CALCOCO2: variants seen among roughly 807,000 people sequenced by gnomAD.
CALCOCO2 encodes the protein calcium-binding and coiled-coil domain-containing protein 2.
Under a neutral mutation model 62.5 loss-of-function variants are expected in CALCOCO2, and 42 were observed. The observed-to-expected ratio is 0.67, with a 90% CI of 0.53 to 0.87. The LOEUF is 0.87. Ranked by LOEUF, CALCOCO2 falls within the 40% of genes least tolerant of loss-of-function variation. The pLI, the probability that CALCOCO2 is intolerant of heterozygous loss-of-function variation, is 0.00. For missense variants in CALCOCO2, 456 were observed against 515.0 expected (o/e 0.89, Z 1.11); for synonymous variants, 167 against 173.0 (o/e 0.97, Z 0.27).
chr17:48,834,153 G>C (rs1191285342), intron 1 of CALCOCO2, among the ~76,000 whole-genome samples: 2 of 149,440 alleles, frequency 1.3e-5, no homozygotes, highest in Non-Finnish European at 3.0e-5. Context: ...AGTAGAACAG[G>C]CTGCTGTTCC....
At chr17:48,843,827 G>C (rs569794060) in intron 2 of CALCOCO2, 1 of 152,240 alleles carries the variant, frequency 6.6e-6, no homozygotes. Context: ...CTAGCCACAT[G>C]TGGCTGTTAA....
chr17:48,861,659 GTGTA>G (rs1449605894), intron 11 of CALCOCO2, among the ~76,000 whole-genome samples: 2 of 135,224 alleles, frequency 1.5e-5, no homozygotes, highest in African/African-American at 3.1e-5. Context: ...ATATGTGTGT[GTGTA>G]TATATATATA....
intron 5 of CALCOCO2, among the ~76,000 whole-genome samples, chr17:48,850,003 C>T (rs913999589): frequency 6.6e-6 from 1 of 150,888 alleles, no homozygotes; most frequent in African/African-American, 2.4e-5. Flanking sequence ...ACTAAAAATA[C>T]AAAAATTAGC....
intron 10 of CALCOCO2, among the ~76,000 whole-genome samples, chr17:48,859,593 C>G (rs1157676124): frequency 2.6e-5 from 4 of 151,578 alleles, no homozygotes; most frequent in Non-Finnish European, 5.9e-5. Flanking sequence ...CAAGCAAGAC[C>G]CTGTCTCTAA....
At chr17:48,847,153 C>A (rs1040988274) in intron 2 of CALCOCO2, among the ~76,000 whole-genome samples, 1 of 152,026 alleles carries the variant, frequency 6.6e-6, no homozygotes, top group Non-Finnish European at 1.5e-5. Flanking sequence ...ATTATATAGA[C>A]CTGGAATCTC....
At chr17:48,851,742 CAA>C (rs1351332073) in intron 7 of CALCOCO2, 114 bp downstream of exon 7, 5 of 703,850 alleles carry the variant, frequency 7.1e-6, no homozygotes, top group Non-Finnish European at 1.3e-5. Context: ...GCATACTTTT[CAA>C]AGTATCACAC....
At position 48,849,263 on chromosome 17, in the gene CALCOCO2, A is replaced by G. The variant is rs1400920566; in HGVS notation, c.429A>G (p.Glu143=). 1.1e-5 allele frequency: 17 copies of G among 1,613,682 alleles called. No individual in the cohort carries two copies. The highest frequency in any genetic ancestry group is 1.4e-5 in the Non-Finnish European group (17 of 1,179,714). ...ATGTTCTTTTGTAGGGAGAGGTGGA[A>G]GAGATTGAGCAGCACAACAAGGAGC... ...ILVVTTQGEV[E]EIEQHNKELC... The change falls in exon 5 of 13, where the codon GAA becomes GAG. Residue 143 remains glutamate (E), a synonymous_variant. Coordinates refer to ENST00000258947, the MANE Select transcript of CALCOCO2 (RefSeq NM_005831.5).
intron 5 of CALCOCO2, 145 bp from the exon 6 acceptor site, chr17:48,850,944 C>CT: frequency 1.9e-6 from 1 of 534,528 alleles, no homozygotes; most frequent in East Asian, 3.2e-5. Context: ...GAACATTTTC[C>CT]TTTTATTTGA....
chr17:48,860,495 CCTTTCCCCTA>C (rs1567760819), intron 11 of CALCOCO2, 46 bp downstream of exon 11: 1 of 1,581,578 alleles, frequency 6.3e-7, no homozygotes, highest in South Asian at 1.1e-5. Context: ...TGCCTGCATC[CCTTTCCCCTA>C]CTAAATTTTT....
At chr17:48,854,394 A>ATT in intron 9 of CALCOCO2, among the ~76,000 whole-genome samples, 1 of 2,828 alleles carries the variant, frequency 3.5e-4, no homozygotes, top group Non-Finnish European at 1.8e-3. Flanking sequence ...ATATATATAT[A>ATT]TATTTTTTTT....
chr17:48,852,681 TTGTTCTTTGTATAAAGAACATTTTAA>T (rs1173631029), intron 8 of CALCOCO2, 53 bp downstream of exon 8: 2 of 1,539,160 alleles, frequency 1.3e-6, no homozygotes, highest in Non-Finnish European at 1.8e-6. Context: ...AAAATATACG[TTGTTCTTTGTATAAAGAACATTTTAA>T]TGTTCTTTAA....
chr17:48,859,154 G>A (rs1264229339), intron 10 of CALCOCO2, among the ~76,000 whole-genome samples: 1 of 149,392 alleles, frequency 6.7e-6, no homozygotes, highest in East Asian at 1.9e-4. Flanking sequence ...TGCTGTCTGT[G>A]CCACTTTTAG....
intron 9 of CALCOCO2, 61 bp from the exon 10 acceptor site, chr17:48,856,031 C>G (rs1350051044): frequency 1.3e-6 from 1 of 787,286 alleles, no homozygotes; most frequent in African/African-American, 1.7e-5. Context: ...TCTACAATTT[C>G]TCACCTTGTA....
In CALCOCO2 at chr17:48,859,823, A is replaced by G. The variant is rs1387873471; in HGVS notation, c.1009-491A>G. On this transcript the variant is annotated intron_variant, in intron 10 of 12. Transcript: ENST00000258947. ...TTAAATTCAGGTATAGGCTGGGCAC[A>G]GTGGCTCACACCTGTAATCTCGACA... 1.1e-4 allele frequency among the ~76,000 whole-genome samples: 17 copies of G among 152,310 alleles called. 1 individual carries two copies. In the South Asian group the frequency reaches 3.5e-3, roughly 32 times the overall value.
rs1245998005 is a variant in CALCOCO2, at chr17:48,853,005, A to G, written c.905A>G (p.Glu302Gly). 2 of 1,607,650 alleles carry G rather than the reference A, an allele frequency of 1.2e-6. No homozygotes were observed. Among genetic ancestry groups the G allele is most frequent in the Non-Finnish European group, 1.7e-6 (2 of 1,174,094 alleles). ...ACTACTGCAATGAAGAAACAACAGG[A>G]ATTAATGGCATGTCTGTCTTTGGAT... ...NETTAMKKQQ[E>G]LMDENFDLSK... is the part of the protein sequence containing the mutation. Residue 302 changes from glutamate (E) to glycine (G), a missense_variant, in exon 9 of 13, where the codon GAA becomes GGA. Physicochemically the swap from Glu to Gly is moderately conservative, Grantham distance 98 (BLOSUM62 -2). This residue lies in a region of CALCOCO2 where 172 missense variants were observed against 210.3 expected (regional missense o/e 0.82). Transcript: ENST00000258947.
Position 48,856,107 on chromosome 17 carries a change from C to G in CALCOCO2, c.928C>G (p.Leu310Val). ...TTGTTGACAGGATGAAAACTTTGAC[C>G]TGTCAAAAAGACTGAGTGAGAACGA... ...QQELMDENFD[L>V]SKRLSENEII... The change falls in exon 10 of 13, where the codon CTG becomes GTG. Residue 310 changes from leucine (L) to valine (V), a missense_variant. Leu to Val is a conservative substitution (Grantham distance 32). Around this residue, in one of 3 missense-constraint regions of CALCOCO2, gnomAD observed 172 missense variants for 210.3 expected, o/e 0.82. Coordinates refer to ENST00000258947, the MANE Select transcript of CALCOCO2 (RefSeq NM_005831.5). 1 of 1,582,800 alleles carries G rather than the reference C, an allele frequency of 6.3e-7. No homozygotes were observed. The highest frequency in any genetic ancestry group is 1.1e-5 in the South Asian group (1 of 89,428).
intron 7 of CALCOCO2, among the ~76,000 whole-genome samples, chr17:48,852,012 C>A (rs1351867401): frequency 6.6e-6 from 1 of 151,912 alleles, no homozygotes. Context: ...TACAGGCGCA[C>A]GTGTAATTCC....
intron 1 of CALCOCO2, among the ~76,000 whole-genome samples, chr17:48,834,576 C>T (rs1313414734): frequency 6.6e-6 from 1 of 152,178 alleles, no homozygotes; most frequent in Non-Finnish European, 1.5e-5. Flanking sequence ...GGACCTAGCT[C>T]GTCCCACTAA....
intron 7 of CALCOCO2, among the ~76,000 whole-genome samples, chr17:48,852,070 A>C (rs1430037309): frequency 6.6e-6 from 1 of 152,044 alleles, no homozygotes; most frequent in Non-Finnish European, 1.5e-5. Flanking sequence ...CCCCGGAGGC[A>C]AAGGTTGCAG....
Sources: allele counts gnomAD v4.1 joint callset (sites outside exome capture counted in the v4.1 genomes callset), GRCh38; gene constraint gnomAD v4.1.1; regional missense constraint gnomAD v4.1.1; transcripts MANE v1.5; gene names NCBI Gene and HGNC (gene_info 2026-07-23, HGNC 2026-07-21).